The following DNM3 variants were observed in gnomAD, a reference collection of about 807,000 sequenced individuals.
DNM3 encodes dynamin 3.
In DNM3, 47 loss-of-function variants were observed where a neutral mutation model predicts 101.6. The ratio of observed to expected loss-of-function variants is 0.46; its 90% CI spans 0.37 to 0.59. The LOEUF is 0.59. Ranked by LOEUF, DNM3 falls within the 20% of genes least tolerant of loss-of-function variation. The pLI, the probability that DNM3 is intolerant of heterozygous loss-of-function variation, is 0.00. For missense variants in DNM3, 849 were observed against 1,085.7 expected, an observed-to-expected ratio of 0.78 and a Z score of 3.06; for synonymous variants, 385 against 387.9, an observed-to-expected ratio of 0.99 and a Z score of 0.09.
rs1015494930 is a variant in DNM3 at position 172,242,415 on chromosome 1, A to G, written c.1660-11158A>G. Among the ~76,000 whole-genome samples the G allele has an allele frequency of 2.0e-5, 3 of 152,124 alleles. No homozygotes were observed. The East Asian group carries it at 5.8e-4, about 29-fold the overall frequency. On this transcript the variant is annotated intron_variant, in intron 14 of 20. Coordinates refer to ENST00000627582, the MANE Select transcript of DNM3 (RefSeq NM_015569.5). ...AAGAATGAGTTGCCGTGAGTAGAAAAGGTAGTCCTGTGCCAACAATTGTCT... is the reference window on the plus strand; with the variant it reads ...AAGAATGAGTTGCCGTGAGTAGAAAGGGTAGTCCTGTGCCAACAATTGTCT...
intron 20 of DNM3, among the ~76,000 whole-genome samples, chr1:172,403,479 C>G (rs2070658578): frequency 1.3e-5 from 2 of 152,114 alleles, no homozygotes; most frequent in African/African-American, 4.8e-5. Context: ...TTTAGTTCTT[C>G]TGTTCTTAAA....
intron 4 of DNM3, among the ~76,000 whole-genome samples, chr1:171,992,675 G>T (rs985321923): frequency 6.6e-6 from 1 of 151,976 alleles, no homozygotes. Flanking sequence ...TCCTATATAT[G>T]GTGGTCCCAA....
intron 1 of DNM3, among the ~76,000 whole-genome samples, chr1:171,862,857 C>T (rs2034321515): frequency 6.6e-6 from 1 of 151,622 alleles, no homozygotes; most frequent in Non-Finnish European, 1.5e-5. Context: ...GAAGGAGAGG[C>T]CAAAGAACTA....
chr1:172,417,316 A>G (rs1247698399), downstream of DNM3, among the ~76,000 whole-genome samples: 1 of 152,144 alleles, frequency 6.6e-6, no homozygotes, highest in Non-Finnish European at 1.5e-5. Context: ...GGAAAGCTTT[A>G]TTTGGCCTGC....
In DNM3 at chr1:171,880,879, A is replaced by G. The variant is rs1325575846; in HGVS notation, c.161+39062A>G. Among the ~76,000 whole-genome samples, 5 of 152,148 alleles carry G rather than the reference A, an allele frequency of 3.3e-5. No homozygotes were observed. The East Asian group carries it at 9.6e-4, about 29-fold the overall frequency. On this transcript the variant is annotated intron_variant, in intron 1 of 20. Coordinates refer to ENST00000627582, the MANE Select transcript of DNM3 (RefSeq NM_015569.5). ...TTATCAACCAGGAGTTCTATTCAAA[A>G]TACATAGGCAGAATAAATAGTAAAG... is the stretch of plus-strand genomic sequence containing the variant.
intron 4 of DNM3, among the ~76,000 whole-genome samples, chr1:172,008,690 T>C (rs753623135): frequency 6.7e-5 from 10 of 149,690 alleles, no homozygotes; most frequent in Non-Finnish European, 1.0e-4. Context: ...GGACTGTCCT[T>C]TCTCCATGGA....
chr1:171,985,246 T>C (rs1351889343), intron 2 of DNM3, among the ~76,000 whole-genome samples: 2 of 152,264 alleles, frequency 1.3e-5, no homozygotes, highest in East Asian at 3.8e-4. Context: ...CACAGTTCCA[T>C]TTCTTCTAAA....
At chr1:172,011,024 T>G (rs2047091484) in intron 4 of DNM3, among the ~76,000 whole-genome samples, 1 of 151,894 alleles carries the variant, frequency 6.6e-6, no homozygotes, top group South Asian at 2.1e-4. Flanking sequence ...TTCTACAATA[T>G]TCCTTAAAAA....
chr1:171,952,810 A>C lies in DNM3; in HGVS notation c.235+30989A>C, dbSNP rs114715080. On this transcript the variant is annotated intron_variant, in intron 2 of 20. Transcript: ENST00000627582. Reference sequence around the variant, plus strand: ...TGCTTCTTTGCTTCTATAGAAACCAAATAACTTTCTATGACTGGGACAGGT... The same window carrying C: ...TGCTTCTTTGCTTCTATAGAAACCACATAACTTTCTATGACTGGGACAGGT... Among the ~76,000 whole-genome samples, 657 of 152,304 alleles carry C rather than the reference A, an allele frequency of 4.3e-3. 4 individuals carry two copies. The highest frequency in any genetic ancestry group is 0.015 in the African/African-American group (626 of 41,572).
intron 14 of DNM3, among the ~76,000 whole-genome samples, chr1:172,136,244 T>G (rs561394925): frequency 8.9e-4 from 136 of 152,308 alleles, no homozygotes; most frequent in African/African-American, 2.6e-3. Context: ...GTTTTCATTT[T>G]GTAACAATAA....
chr1:171,897,214 T>A (rs1346994946), intron 1 of DNM3, among the ~76,000 whole-genome samples: 1 of 152,198 alleles, frequency 6.6e-6, no homozygotes, highest in African/African-American at 2.4e-5. Context: ...GAATCAGTTT[T>A]AAAAAATGGC....
At chr1:172,328,824 G>A (rs548487862) in intron 17 of DNM3, among the ~76,000 whole-genome samples, 117 of 152,170 alleles carry the variant, frequency 7.7e-4, no homozygotes, top group Non-Finnish European at 1.5e-3. Flanking sequence ...ATTTTATCAT[G>A]AAGTATGAGT....
At chr1:172,088,527 TAC>T (rs2053688575) in intron 12 of DNM3, among the ~76,000 whole-genome samples, 1 of 152,120 alleles carries the variant, frequency 6.6e-6, no homozygotes, top group African/African-American at 2.4e-5. Context: ...GGCCCCAACG[TAC>T]AGTTATTATA....
intron 14 of DNM3, among the ~76,000 whole-genome samples, chr1:172,187,496 C>G (rs1484296934): frequency 6.6e-6 from 1 of 151,980 alleles, no homozygotes; most frequent in Non-Finnish European, 1.5e-5. Flanking sequence ...CTGTTCTTTC[C>G]AAACGTGGTT....
intron 18 of DNM3, among the ~76,000 whole-genome samples, chr1:172,383,317 T>A (rs2069017260): frequency 1.3e-5 from 2 of 152,150 alleles, no homozygotes; most frequent in South Asian, 2.1e-4. Flanking sequence ...ATTACATTTG[T>A]GAGTCAAAGG....
intron 11 of DNM3, among the ~76,000 whole-genome samples, chr1:172,072,970 C>A (rs762933573): frequency 2.0e-5 from 3 of 152,110 alleles, no homozygotes; most frequent in Non-Finnish European, 4.4e-5. Flanking sequence ...GTTTATTGGG[C>A]ACCTATTGTG....
chr1:172,026,426 G>T (rs1358711689), intron 4 of DNM3, among the ~76,000 whole-genome samples: 1 of 152,048 alleles, frequency 6.6e-6, no homozygotes, highest in East Asian at 1.9e-4. Flanking sequence ...AGCAAGACAG[G>T]CCAACAGTCA....
intron 14 of DNM3, chr1:172,144,536 G>A: frequency 2.0e-6 from 1 of 492,168 alleles, no homozygotes; most frequent in South Asian, 1.6e-5. Flanking sequence ...CCATGGCGTT[G>A]CTCTCCCTTG....
At chr1:172,340,377 T>C (rs907147655) in intron 17 of DNM3, among the ~76,000 whole-genome samples, 5 of 152,226 alleles carry the variant, frequency 3.3e-5, no homozygotes, top group African/African-American at 1.2e-4. Context: ...TCTGTTTCCA[T>C]AGGAGAAGCA....
Sources: gnomAD v4.1 joint callset for allele counts (sites outside exome capture counted in the v4.1 genomes callset) on GRCh38, gnomAD v4.1.1 for gene constraint, MANE v1.5 for transcripts, NCBI Gene and HGNC (gene_info 2026-07-23, HGNC 2026-07-21) for gene names.